ZNF703: variants seen among roughly 807,000 people sequenced by gnomAD.
ZNF703 encodes the protein NocA-like zinc finger 1.
A neutral mutation model predicts 30.7 loss-of-function variants in ZNF703; 18 were observed. The ratio of observed to expected loss-of-function variants is 0.59; its 90% confidence interval spans 0.40 to 0.87. The LOEUF is 0.87. Ranked by LOEUF, ZNF703 falls within the 40% of genes least tolerant of loss-of-function variation. ZNF703 has a pLI of 0.00. For synonymous variants in ZNF703, 457 were observed against 438.6 expected (o/e 1.04, Z -0.52); for missense variants, 814 against 847.8 (o/e 0.96, Z 0.50).
chr8:37,698,463 C>A lies in ZNF703; in HGVS notation c.1562C>A (p.Pro521His). 2 of 1,497,320 alleles carry A rather than the reference C, an allele frequency of 1.3e-6. No individual in the cohort carries two copies. Among genetic ancestry groups the A allele is most frequent in the Non-Finnish European group, 1.8e-6 (2 of 1,125,238 alleles). The allele number at this position is 1,497,320 out of a possible 1,614,324, so 92.8% of individuals were successfully genotyped here. ...GCCGCCTCCTGCCATCTGCACCTCC[C>A]CCCGCCCGCCGCCCCCGGCAGCCCC... ...AAAASCHLHL[P>H]PPAAPGSPGS... The change falls in exon 2 of 2, where the codon CCC (proline) becomes CAC (histidine). Residue 521 changes from proline to histidine, a missense_variant. Transcript: ENST00000331569.
chr8:37,698,463 C>T lies in ZNF703; in HGVS notation c.1562C>T (p.Pro521Leu). Residue 521 changes from proline to leucine, a missense_variant, in exon 2 of 2, where the codon CCC (proline) becomes CTC (leucine). Coordinates refer to ENST00000331569, the MANE Select transcript of ZNF703 (RefSeq NM_025069.3). ...AAAASCHLHL[P>L]PPAAPGSPGS... ...GCCGCCTCCTGCCATCTGCACCTCC[C>T]CCCGCCCGCCGCCCCCGGCAGCCCC... The T allele has an allele frequency of 6.7e-7, 1 of 1,497,212 alleles. No homozygotes were observed. The highest frequency in any genetic ancestry group is 8.9e-7 in the Non-Finnish European group (1 of 1,125,248). The allele number at this position is 1,497,212 out of a possible 1,614,324, so 92.7% of individuals were successfully genotyped here. A position where few individuals can be genotyped will look rare whatever the true frequency, so the allele number is the denominator to read the frequency against.
In ZNF703 at chr8:37,699,185, A is replaced by T. The variant is rs1802128217; in HGVS notation, c.*511A>T. On this transcript the variant is annotated 3_prime_UTR_variant, in exon 2 of 2. Transcript: ENST00000331569. ...CCTTCATTCCCTCTTGTTTCCTTCC[A>T]TTTGCGGTTCTGTTTTTGTTTTTTG... The T allele has an allele frequency of 1.3e-5, 2 of 149,762 alleles. No homozygotes were observed. The highest frequency in any genetic ancestry group is 1.5e-5 in the Non-Finnish European group (1 of 67,766). The allele number at this position is 149,762 out of a possible 1,614,324, so 9.3% of individuals were successfully genotyped here.
chr8:37,696,174 C>T lies in ZNF703; in HGVS notation c.195C>T (p.His65=), dbSNP rs761426372. The T allele has an allele frequency of 3.1e-6, 5 of 1,612,066 alleles. No homozygotes were observed. Among genetic ancestry groups the T allele is most frequent in the Admixed American group, 3.3e-5 (2 of 59,940 alleles). ...GCGCTCACACCGGTCACCTCCTGCA[C>T]CCGGAGTACCTGCAGCCGCTGTCCT... ...MLSAHTGHLL[H]PEYLQPLSST... is the part of the protein sequence containing the mutation. The change falls in exon 1 of 2, where the codon CAC becomes CAT. Residue 65 remains histidine (H), a synonymous_variant. Coordinates refer to ENST00000331569, the MANE Select transcript of ZNF703 (RefSeq NM_025069.3). The surrounding 1 kb of genome is among the most constrained non-coding windows in gnomAD (Gnocchi z 8.2).
chr8:37,695,927 T>G lies in ZNF703; in HGVS notation c.-53T>G. ...AGCCCACCCGCCCCGGGAGCTCGCC[T>G]CCCCGGTGCTCCCCCGCCCTCCCCG... On this transcript the variant is annotated 5_prime_UTR_variant, in exon 1 of 2. Coordinates refer to ENST00000331569, the MANE Select transcript of ZNF703 (RefSeq NM_025069.3). 2 of 1,138,104 alleles carry G rather than the reference T, an allele frequency of 1.8e-6. No homozygotes were observed. Among genetic ancestry groups the G allele is most frequent in the Non-Finnish European group, 1.2e-6 (1 of 855,116 alleles). 70.5% of individuals were successfully genotyped at this position (1,138,104 alleles called of 1,614,324 possible).
intron 1 of ZNF703, 49 bp from the exon 2 acceptor site, chr8:37,697,096 G>A (rs978017510): frequency 1.4e-6 from 2 of 1,442,784 alleles, no homozygotes; most frequent in East Asian, 5.5e-5. Context: ...CGCCCCGCAG[G>A]CCTCTGAGTC....
chr8:37,695,791 G>C lies in ZNF703; in HGVS notation c.-189G>C. The stretch of plus-strand genomic sequence containing the variant: ...GCTCGAGGAAGGCGAAGGTTTTTGT[G>C]TTGCTAGCCGGGGCCAGCGGCGGTG... On this transcript the variant is annotated 5_prime_UTR_variant, in exon 1 of 2. Coordinates refer to ENST00000331569, the MANE Select transcript of ZNF703 (RefSeq NM_025069.3). 2.0e-6 allele frequency: 1 copy of C among 504,866 alleles called. No individual in the cohort carries two copies. Among genetic ancestry groups the C allele is most frequent in the Non-Finnish European group, 3.3e-6 (1 of 300,116 alleles). 31.3% of individuals were successfully genotyped at this position (504,866 alleles called of 1,614,324 possible).
chr8:37,697,785 C>T lies in ZNF703; in HGVS notation c.884C>T (p.Pro295Leu). ...CTGGTGGGGGCCGGCCACGTGGCGC[C>T]GGTGTCTCCCTACAAGCCGGGCCAC... ...SALVGAGHVAPVSPYKPGHSV... is the reference protein window; with the variant it reads ...SALVGAGHVALVSPYKPGHSV... Residue 295 changes from proline (P) to leucine (L), a missense_variant, in exon 2 of 2, where the codon CCG becomes CTG. Physicochemically the swap from Pro to Leu is moderately conservative, Grantham distance 98. Transcript: ENST00000331569. 2 of 1,512,552 alleles carry T rather than the reference C, an allele frequency of 1.3e-6. No homozygotes were observed. Among genetic ancestry groups the T allele is most frequent in the African/African-American group, 1.4e-5 (1 of 70,294 alleles). The allele number at this position is 1,512,552 out of a possible 1,614,324, so 93.7% of individuals were successfully genotyped here.
Position 37,696,369 on chromosome 8 carries a change from G to A in ZNF703, c.243+147G>A. The A allele has an allele frequency of 2.2e-6, 3 of 1,333,354 alleles. No individual in the cohort carries two copies. Among genetic ancestry groups the A allele is most frequent in the African/African-American group, 1.5e-5 (1 of 65,646 alleles). The allele number at this position is 1,333,354 out of a possible 1,614,324, so 82.6% of individuals were successfully genotyped here. A position where few individuals can be genotyped will look rare whatever the true frequency, so the allele number is the denominator to read the frequency against. ...GCTGAGTGAGGAGGGGAAGAAAACC[G>A]AGGGATCAGAGCCCACCAGGGCTTC... On this transcript the variant is annotated intron_variant, in intron 1 of 1. Coordinates refer to ENST00000331569, the MANE Select transcript of ZNF703 (RefSeq NM_025069.3). The surrounding 1 kb of genome is among the most constrained non-coding windows in gnomAD (Gnocchi z 8.2).
rs1452826476 is a variant in ZNF703, at chr8:37,696,259, A to G, written c.243+37A>G. On this transcript the variant is annotated intron_variant, in intron 1 of 1. Transcript: ENST00000331569. This position sits in a 1 kb window ranked among gnomAD's most constrained non-coding sequence, Gnocchi z 8.2. ...GCCGCTGCCCCCGGGCGCCGGCCCC[A>G]TTCCTCCCACCGCGACCGGGACCCT... 1 of 1,541,234 alleles carries G rather than the reference A, an allele frequency of 6.5e-7. No homozygotes were observed. The highest frequency in any genetic ancestry group is 8.8e-7 in the Non-Finnish European group (1 of 1,141,508).
chr8:37,697,096 G>C, intron 1 of ZNF703, 49 bp from the exon 2 acceptor site: 1 of 1,442,890 alleles, frequency 6.9e-7, no homozygotes, highest in African/African-American at 1.5e-5. Flanking sequence ...CGCCCCGCAG[G>C]CCTCTGAGTC....
chr8:37,696,205 C>G lies in ZNF703; in HGVS notation c.226C>G (p.Pro76Ala). The stretch of plus-strand genomic sequence containing the variant: ...GTACCTGCAGCCGCTGTCCTCCACT[C>G]CCGTCAGCCCCATTGAGGTCAGTCC... The part of the protein sequence containing the change: ...PEYLQPLSST[P>A]VSPIELDAKK... Residue 76 changes from proline (P) to alanine (A), a missense_variant, in exon 1 of 2, where the codon CCC becomes GCC. Transcript: ENST00000331569. The surrounding 1 kb of genome is among the most constrained non-coding windows in gnomAD (Gnocchi z 8.2). 1 of 1,609,936 alleles carries G rather than the reference C, an allele frequency of 6.2e-7. No individual in the cohort carries two copies. Among genetic ancestry groups the G allele is most frequent in the East Asian group, 2.2e-5 (1 of 44,676 alleles).
At position 37,696,827 on chromosome 8, in the gene ZNF703, G is replaced by GT. The variant is rs963645149; in HGVS notation, c.244-312dup. On this transcript the variant is annotated intron_variant, in intron 1 of 1. Coordinates refer to ENST00000331569, the MANE Select transcript of ZNF703 (RefSeq NM_025069.3). The surrounding 1 kb of genome is among the most constrained non-coding windows in gnomAD (Gnocchi z 8.2). ...AAGTTCCCCCAAACTAAAGGAATAA[G>GT]TTTTTTCCTGGGCCTGGAGGAGGGG... Among the ~76,000 whole-genome samples, 42 of 152,330 alleles carry GT rather than the reference G, an allele frequency of 2.8e-4. No individual in the cohort carries two copies. Among genetic ancestry groups the GT allele is most frequent in the African/African-American group, 9.6e-4 (40 of 41,576 alleles).
Position 37,698,205 on chromosome 8 carries a change from CCG to C in ZNF703, c.1308_1309del (p.Leu437ProfsTer207). 1 of 1,516,258 alleles carries C rather than the reference CCG, an allele frequency of 6.6e-7. No individual in the cohort carries two copies. Among genetic ancestry groups the C allele is most frequent in the Non-Finnish European group, 8.8e-7 (1 of 1,138,318 alleles). The allele number at this position is 1,516,258 out of a possible 1,614,324, so 93.9% of individuals were successfully genotyped here. A position where few individuals can be genotyped will look rare whatever the true frequency, so the allele number is the denominator to read the frequency against. ...GCGCTCTCGTCCAGCGCCGCCCAGGCCGCGCTCCCCGGCCACCCGCTCTACAC... is the reference window on the plus strand; with the variant it reads ...GCGCTCTCGTCCAGCGCCGCCCAGGCCGCTCCCCGGCCACCCGCTCTACAC... On this transcript the variant is annotated frameshift_variant, in exon 2 of 2. Coordinates refer to ENST00000331569, the MANE Select transcript of ZNF703 (RefSeq NM_025069.3). LOFTEE classifies it high-confidence loss of function.
In ZNF703 at chr8:37,697,888, G is replaced by A; in HGVS notation, c.987G>A (p.Gln329=). The change falls in exon 2 of 2, where the codon CAG becomes CAA. Residue 329 remains glutamine, a synonymous_variant. Coordinates refer to ENST00000331569, the MANE Select transcript of ZNF703 (RefSeq NM_025069.3). ...IVGAYAGYPS[Q]FVPGLDPSKS... ...GCGCCTACGCCGGCTACCCGTCTCA[G>A]TTCGTGCCTGGCCTGGATCCTAGCA... 6.4e-7 allele frequency: 1 copy of A among 1,554,862 alleles called. No homozygotes were observed.
rs1431115742 is a variant in ZNF703 at position 37,697,862 on chromosome 8, G to A, written c.961G>A (p.Gly321Ser). The change falls in exon 2 of 2, where the codon GGC (glycine) becomes AGC (serine). Residue 321 changes from glycine (G) to serine (S), a missense_variant. Transcript: ENST00000331569. The part of the protein sequence containing the change: ...SSIGYHGSIV[G>S]AYAGYPSQFV... ...CATTGGCTACCACGGCTCCATCGTGGGCGCCTACGCCGGCTACCCGTCTCA... is the reference window on the plus strand; with the variant it reads ...CATTGGCTACCACGGCTCCATCGTGAGCGCCTACGCCGGCTACCCGTCTCA... 1 of 1,545,916 alleles carries A rather than the reference G, an allele frequency of 6.5e-7. No individual in the cohort carries two copies. The highest frequency in any genetic ancestry group is 8.7e-7 in the Non-Finnish European group (1 of 1,151,876).
In ZNF703 at chr8:37,696,769, C is replaced by T. The variant is rs1473176792; in HGVS notation, c.244-376C>T. Among the ~76,000 whole-genome samples, 2 of 152,204 alleles carry T rather than the reference C, an allele frequency of 1.3e-5. No individual in the cohort carries two copies. On this transcript the variant is annotated intron_variant, in intron 1 of 1. Transcript: ENST00000331569. This position sits in a 1 kb window ranked among gnomAD's most constrained non-coding sequence, Gnocchi z 8.2. ...GAATCCGCGCTCCCCTCTCCTACCC[C>T]GCGGCGCCATCGCCAGAAACCCGTC...
rs1209283332 is a variant in ZNF703, at chr8:37,698,285, G to T, written c.1384G>T (p.Ala462Ser). ...GCTGCCGCACAGCTGCAACTGGGTG[G>T]CAGCCAGTGGGCCGTGCGACAAGCG... Reference protein sequence around the residue: ...EPLPHSCNWVAASGPCDKRFA... With the variant: ...EPLPHSCNWVSASGPCDKRFA... The change falls in exon 2 of 2, where the codon GCA (alanine) becomes TCA (serine). Residue 462 changes from alanine to serine, a missense_variant. By Grantham distance (99) the Ala-to-Ser change is moderately conservative. Transcript: ENST00000331569. 4.5e-6 allele frequency: 7 copies of T among 1,539,714 alleles called. No individual in the cohort carries two copies. Among genetic ancestry groups the T allele is most frequent in the Non-Finnish European group, 6.1e-6 (7 of 1,146,552 alleles).
Position 37,696,051 on chromosome 8 carries a change from G to T in ZNF703, c.72G>T (p.Gly24=), listed in dbSNP as rs887927889. 7 of 1,553,856 alleles carry T rather than the reference G, an allele frequency of 4.5e-6. No homozygotes were observed. In the African/African-American group the frequency reaches 9.6e-5, roughly 21 times the overall value. Reference sequence around the variant, plus strand: ...GCGGCAGCGGCAGCGGCGGCGGCGGGAAGAGGCCGGCGGTGCCGGCAGCGG... The same window carrying T: ...GCGGCAGCGGCAGCGGCGGCGGCGGTAAGAGGCCGGCGGTGCCGGCAGCGG... ...ESSGSGSGGG[G]KRPAVPAAVS... is the part of the protein sequence containing the mutation. The change falls in exon 1 of 2, where the codon GGG becomes GGT. Residue 24 remains glycine (G), a synonymous_variant. Transcript: ENST00000331569. This position sits in a 1 kb window ranked among gnomAD's most constrained non-coding sequence, Gnocchi z 8.2.
chr8:37,697,305 C>A lies in ZNF703; in HGVS notation c.404C>A (p.Ser135Tyr). The A allele has an allele frequency of 6.4e-7, 1 of 1,564,632 alleles. No individual in the cohort carries two copies. Among genetic ancestry groups the A allele is most frequent in the East Asian group, 2.4e-5 (1 of 41,584 alleles). ...DPGRSAPGAA[S>Y]AAAALKQLGD... Reference sequence around the variant, plus strand: ...GGCCGCTCAGCCCCGGGCGCCGCCTCCGCAGCCGCGGCCCTGAAGCAGCTG... The same window carrying A: ...GGCCGCTCAGCCCCGGGCGCCGCCTACGCAGCCGCGGCCCTGAAGCAGCTG... The change falls in exon 2 of 2, where the codon TCC becomes TAC. Residue 135 changes from serine (S) to tyrosine (Y), a missense_variant. Coordinates refer to ENST00000331569, the MANE Select transcript of ZNF703 (RefSeq NM_025069.3).
Sources: gnomAD v4.1 joint callset for allele counts (sites outside exome capture counted in the v4.1 genomes callset) on GRCh38, gnomAD v4.1.1 for gene constraint, Gnocchi (gnomAD v3.1) non-coding constraint, MANE v1.5 for transcripts, NCBI Gene and HGNC (gene_info 2026-07-23, HGNC 2026-07-21) for gene names.